Variants in S100PBP observed in about 807,000 individuals in gnomAD.
S100PBP encodes S100P binding protein, also known as S100P-binding protein.
In S100PBP, 15 loss-of-function variants were observed where a neutral mutation model predicts 39.9. That is an observed-to-expected ratio of 0.38 (90% CI 0.25 to 0.58). The LOEUF (loss-of-function observed/expected upper bound fraction) is 0.58, where lower values mean the gene tolerates loss of function less well. Among genes scored for constraint, S100PBP ranks in the 20% least tolerant of loss-of-function variants. S100PBP has a pLI of 0.70. For synonymous variants in S100PBP, 178 were observed against 180.3 expected (o/e 0.99, Z 0.10); for missense variants, 504 against 487.3 (o/e 1.03, Z -0.32).
chr1:32,853,493 T>TG (rs4011934), intron 6 of S100PBP, among the ~76,000 whole-genome samples: 13 of 138,382 alleles, frequency 9.4e-5, no homozygotes, highest in African/African-American at 3.3e-4. Flanking sequence ...GAAAAGGCGG[T>TG]GGGGGGGGGG....
At chr1:32,838,343 A>AG (rs1569894108) in intron 5 of S100PBP, among the ~76,000 whole-genome samples, 1 of 151,196 alleles carries the variant, frequency 6.6e-6, no homozygotes, top group African/African-American at 2.4e-5. Flanking sequence ...CAAAAAAAAA[A>AG]AAAAAAAAAA....
Position 32,826,514 on chromosome 1 carries a change from C to G in S100PBP, c.415C>G (p.Leu139Val). ...TAAACCATTAAACAGACGCTCTGTA[C>G]TAGAAAAGAATCTTATAAAAGTAAC... Reference protein sequence around the residue: ...HTKPLNRRSVLEKNLIKVTVA... With the variant: ...HTKPLNRRSVVEKNLIKVTVA... The change falls in exon 3 of 7, where the codon CTA (leucine) becomes GTA (valine). Residue 139 changes from leucine to valine, a missense_variant. Physicochemically the swap from Leu to Val is conservative, Grantham distance 32. Coordinates refer to ENST00000373475, the MANE Select transcript of S100PBP (RefSeq NM_022753.4). The G allele has an allele frequency of 6.2e-7, 1 of 1,614,070 alleles. No homozygotes were observed. Among genetic ancestry groups the G allele is most frequent in the Non-Finnish European group, 8.5e-7 (1 of 1,180,014 alleles).
At chr1:32,834,192 G>A (rs1207252252) in intron 5 of S100PBP, 2 of 170,340 alleles carry the variant, frequency 1.2e-5, no homozygotes, top group African/African-American at 4.8e-5. Flanking sequence ...TAATTGGTCA[G>A]GTTAAATGTT....
In S100PBP at chr1:32,820,068, A is replaced by G. The variant is rs182118900; in HGVS notation, c.-120+2379A>G. Among the ~76,000 whole-genome samples, 11 of 150,868 alleles carry G rather than the reference A, an allele frequency of 7.3e-5. No homozygotes were observed. In the East Asian group the frequency reaches 1.6e-3, roughly 21 times the overall value. On this transcript the variant is annotated intron_variant, in intron 1 of 6. Coordinates refer to ENST00000373475, the MANE Select transcript of S100PBP (RefSeq NM_022753.4). Reference sequence around the variant, plus strand: ...GGATTAAACTAGATAAGAGTAGAGTATATTAGATAATTTCAAGCAGGGTCT... The same window carrying G: ...GGATTAAACTAGATAAGAGTAGAGTGTATTAGATAATTTCAAGCAGGGTCT...
upstream of S100PBP, chr1:32,817,364 C>T: frequency 7.6e-7 from 1 of 1,321,388 alleles, no homozygotes; most frequent in Non-Finnish European, 1.1e-6. Context: ...CAGCTGGGCT[C>T]GGCGCTCCGC....
In S100PBP at chr1:32,826,374, T is replaced by C. The variant is rs751455562; in HGVS notation, c.275T>C (p.Leu92Pro). 1.9e-6 allele frequency: 3 copies of C among 1,614,158 alleles called. No homozygotes were observed. The Admixed American group carries it at 5.0e-5, about 27-fold the overall frequency. The change falls in exon 3 of 7, where the codon CTT becomes CCT. Residue 92 changes from leucine to proline, a missense_variant. Leu to Pro is a moderately conservative substitution (Grantham distance 98). Coordinates refer to ENST00000373475, the MANE Select transcript of S100PBP (RefSeq NM_022753.4). ...EKGERGSQIL[L>P]DTPREKNSSY... ...GGAGAAAGAGGGAGTCAAATTCTACTTGATACTCCCCGAGAGAAAAATTCA... is the reference window on the plus strand; with the variant it reads ...GGAGAAAGAGGGAGTCAAATTCTACCTGATACTCCCCGAGAGAAAAATTCA...
rs139329038 is a variant in S100PBP, at chr1:32,856,977, G to A, written c.*939G>A. On this transcript the variant is annotated 3_prime_UTR_variant, in exon 7 of 7. Coordinates refer to ENST00000373475, the MANE Select transcript of S100PBP (RefSeq NM_022753.4). ...TGCCCACCCAGAGTCTTGACTCTAG[G>A]GCAGGCTAGTGCTATTGTGGTGTCA... 13 of 152,244 alleles carry A rather than the reference G, an allele frequency of 8.5e-5. No individual in the cohort carries two copies. The highest frequency in any genetic ancestry group is 2.6e-4 in the African/African-American group (11 of 41,522). 9.4% of individuals were successfully genotyped at this position (152,244 alleles called of 1,614,324 possible).
At chr1:32,834,681 T>G (rs909426812) in intron 5 of S100PBP, among the ~76,000 whole-genome samples, 1 of 152,230 alleles carries the variant, frequency 6.6e-6, no homozygotes, top group African/African-American at 2.4e-5. Context: ...GTCTTCCCAT[T>G]GTAAAGTACA....
intron 5 of S100PBP, among the ~76,000 whole-genome samples, chr1:32,849,162 G>A (rs1000986983): frequency 7.9e-6 from 1 of 126,242 alleles, no homozygotes; most frequent in African/African-American, 2.9e-5. Context: ...TTTTTTTTTT[G>A]GAGACAGTGT....
In S100PBP at chr1:32,826,589, G is replaced by A. The variant is rs1218679822; in HGVS notation, c.490G>A (p.Glu164Lys). The A allele has an allele frequency of 5.0e-6, 8 of 1,613,684 alleles. No individual in the cohort carries two copies. Among genetic ancestry groups the A allele is most frequent in the Non-Finnish European group, 5.9e-6 (7 of 1,180,016 alleles). The part of the protein sequence containing the change: ...TVCDALLDKD[E>K]TDSSKDTEKL... ...TTGTGATGCTCTGCTTGATAAGGAC[G>A]AGACTGATTCGTCCAAAGATACTGA... Residue 164 changes from glutamate (E) to lysine (K), a missense_variant, in exon 3 of 7, where the codon GAG (glutamate) becomes AAG (lysine). By Grantham distance (56) the Glu-to-Lys change is moderately conservative. Coordinates refer to ENST00000373475, the MANE Select transcript of S100PBP (RefSeq NM_022753.4).
intron 5 of S100PBP, among the ~76,000 whole-genome samples, chr1:32,838,863 T>C (rs1639964144): frequency 6.6e-6 from 1 of 151,974 alleles, no homozygotes; most frequent in African/African-American, 2.4e-5. Context: ...AAAAAAGTTG[T>C]AAGTGTACAT....
rs1165807433 is a variant in S100PBP at position 32,828,059 on chromosome 1, C to G, written c.898C>G (p.Pro300Ala). 6.2e-7 allele frequency: 1 copy of G among 1,605,080 alleles called. No homozygotes were observed. Among genetic ancestry groups the G allele is most frequent in the Non-Finnish European group, 8.5e-7 (1 of 1,172,258 alleles). Residue 300 changes from proline to alanine, a missense_variant, in exon 4 of 7, where the codon CCT (proline) becomes GCT (alanine). Pro to Ala is a conservative substitution (Grantham distance 27). Coordinates refer to ENST00000373475, the MANE Select transcript of S100PBP (RefSeq NM_022753.4). ...TGAGAGAAGACTAGGCAAAGTCATT[C>G]CTGTTCTACAAACTAAGACCAGGTA... is the stretch of plus-strand genomic sequence containing the variant. ...GHERRLGKVI[P>A]VLQTKTRTNV...
intron 5 of S100PBP, among the ~76,000 whole-genome samples, chr1:32,846,288 C>A (rs1640372130): frequency 6.6e-6 from 1 of 151,874 alleles, no homozygotes; most frequent in Non-Finnish European, 1.5e-5. Context: ...CACGCCTGCC[C>A]TCCTTAATTT....
chr1:32,820,139 C>G (rs1638978500), intron 1 of S100PBP, among the ~76,000 whole-genome samples: 1 of 120,840 alleles, frequency 8.3e-6, no homozygotes, highest in African/African-American at 3.1e-5. Context: ...CCTACCGTTC[C>G]TATGCTTTTT....
At chr1:32,834,466 G>A (rs1639732775) in intron 5 of S100PBP, among the ~76,000 whole-genome samples, 1 of 152,086 alleles carries the variant, frequency 6.6e-6, no homozygotes, top group Non-Finnish European at 1.5e-5. Context: ...TGTATTTCCT[G>A]TAAACTAGAA....
rs1640890558 is a variant in S100PBP, at chr1:32,858,216, C to T, written c.*2178C>T. On this transcript the variant is annotated 3_prime_UTR_variant, in exon 7 of 7. Coordinates refer to ENST00000373475, the MANE Select transcript of S100PBP (RefSeq NM_022753.4). ...TAGGCAAAAATCTAAGACTCGTGCC[C>T]TCCTGGTACATGGGGTTTTAAGACT... is the stretch of plus-strand genomic sequence containing the variant. The T allele has an allele frequency of 6.6e-6, 1 of 152,670 alleles. No individual in the cohort carries two copies. The highest frequency in any genetic ancestry group is 2.4e-5 in the African/African-American group (1 of 41,474). The allele number at this position is 152,670 out of a possible 1,614,324, so 9.5% of individuals were successfully genotyped here. A position where few individuals can be genotyped will look rare whatever the true frequency, so the allele number is the denominator to read the frequency against.
chr1:32,832,506 C>G (rs1639644103), intron 5 of S100PBP, among the ~76,000 whole-genome samples: 1 of 152,092 alleles, frequency 6.6e-6, no homozygotes, highest in Non-Finnish European at 1.5e-5. Flanking sequence ...CTAAAAATTT[C>G]ACAGACCTCT....
intron 1 of S100PBP, among the ~76,000 whole-genome samples, chr1:32,818,325 C>T (rs1468775282): frequency 6.6e-6 from 1 of 152,248 alleles, no homozygotes; most frequent in African/African-American, 2.4e-5. Flanking sequence ...TGAGAGAGAG[C>T]CAAGGCAGTA....
intron 5 of S100PBP, chr1:32,834,113 C>A: frequency 4.6e-6 from 1 of 217,722 alleles, no homozygotes; most frequent in South Asian, 6.4e-5. Context: ...GATGGTCCTG[C>A]CCCAAAAAAT....
Sources: allele counts gnomAD v4.1 joint callset (sites outside exome capture counted in the v4.1 genomes callset), GRCh38; gene constraint gnomAD v4.1.1; transcripts MANE v1.5; gene names NCBI Gene and HGNC (gene_info 2026-07-23, HGNC 2026-07-21).